The following MAPRE1 variants were observed in gnomAD, a reference collection of about 807,000 sequenced individuals.
The protein encoded by MAPRE1 is microtubule-associated protein RP/EB family member 1.
In MAPRE1, 5 loss-of-function variants were observed where a neutral mutation model predicts 32.1. The ratio of observed to expected loss-of-function variants is 0.16; its 90% CI spans 0.08 to 0.33. The LOEUF (loss-of-function observed/expected upper bound fraction) is 0.33. Ranked by LOEUF, MAPRE1 falls within the 10% of genes least tolerant of loss-of-function variation. The pLI is 1.00. For missense variants in MAPRE1, 209 were observed against 327.2 expected (o/e 0.64, Z 2.79); for synonymous variants, 122 against 118.9 (o/e 1.03, Z -0.17).
intron 6 of MAPRE1, among the ~76,000 whole-genome samples, chr20:32,848,013 T>A (rs921049730): frequency 2.6e-5 from 4 of 152,082 alleles, no homozygotes; most frequent in African/African-American, 9.7e-5. Flanking sequence ...AGTACTGAAC[T>A]TTACAGGGGA....
intron 5 of MAPRE1, among the ~76,000 whole-genome samples, chr20:32,842,413 C>T (rs1342672195): frequency 6.6e-6 from 1 of 152,308 alleles, no homozygotes. Flanking sequence ...GTGCTTATGT[C>T]ATGCACAGTG....
chr20:32,840,619 C>G (rs930330241), intron 5 of MAPRE1, among the ~76,000 whole-genome samples: 9 of 152,028 alleles, frequency 5.9e-5, no homozygotes, highest in African/African-American at 2.2e-4. Flanking sequence ...GTCACCACGC[C>G]TGGCTCCATT....
At chr20:32,838,358 A>G (rs1983258430) in intron 4 of MAPRE1, among the ~76,000 whole-genome samples, 6 of 152,152 alleles carry the variant, frequency 3.9e-5, no homozygotes, top group Admixed American at 3.9e-4. Flanking sequence ...ATTCCATTGC[A>G]TGCCTATACC....
chr20:32,842,282 T>A (rs1348733303), intron 5 of MAPRE1, among the ~76,000 whole-genome samples: 8 of 152,138 alleles, frequency 5.3e-5, no homozygotes, highest in Non-Finnish European at 1.0e-4. Context: ...AGACGAGGTT[T>A]CACCGTGTTA....
At chr20:32,824,042 T>C (rs1201521915) in intron 1 of MAPRE1, among the ~76,000 whole-genome samples, 1 of 152,236 alleles carries the variant, frequency 6.6e-6, no homozygotes, top group Admixed American at 6.5e-5. Flanking sequence ...TAAGCTCAAC[T>C]GTTCATCTCA....
At chr20:32,826,929 T>C (rs1020965914) in intron 2 of MAPRE1, among the ~76,000 whole-genome samples, 8 of 152,168 alleles carry the variant, frequency 5.3e-5, no homozygotes, top group African/African-American at 1.9e-4. Context: ...TGTCTATTAT[T>C]GTGCATCCAG....
Position 32,836,832 on chromosome 20 carries a change from A to G in MAPRE1, c.466A>G (p.Ser156Gly), listed in dbSNP as rs1384967822. 1.2e-6 allele frequency: 2 copies of G among 1,601,060 alleles called. No individual in the cohort carries two copies. Among genetic ancestry groups the G allele is most frequent in the African/African-American group, 1.4e-5 (1 of 73,810 alleles). Residue 156 changes from serine to glycine, a missense_variant, in exon 4 of 7, where the codon AGC (serine) becomes GGC (glycine). By Grantham distance (56) the Ser-to-Gly change is moderately conservative. Around this residue, in one of 3 missense-constraint regions of MAPRE1, gnomAD observed 106 missense variants for 115.3 expected, o/e 0.92. Coordinates refer to ENST00000375571, the MANE Select transcript of MAPRE1 (RefSeq NM_012325.3). ...LNKPKKPLTSSSAAPQRPIST... is the reference protein window; with the variant it reads ...LNKPKKPLTSGSAAPQRPIST... ...TAAACCGAAGAAACCTCTCACTTCT[A>G]GCAGTGCAGGTAAAAAAACAACCCC...
chr20:32,848,008 T>G lies in MAPRE1; in HGVS notation c.751-664T>G, dbSNP rs976486363. Among the ~76,000 whole-genome samples, 8 of 152,098 alleles carry G rather than the reference T, an allele frequency of 5.3e-5. No individual in the cohort carries two copies. In the South Asian group the frequency reaches 8.3e-4, roughly 16 times the overall value. Reference sequence around the variant, plus strand: ...TTATTGAGAGAAGATGTTAGAGTACTGAACTTTACAGGGGACTTCAGGAAT... The same window carrying G: ...TTATTGAGAGAAGATGTTAGAGTACGGAACTTTACAGGGGACTTCAGGAAT... On this transcript the variant is annotated intron_variant, in intron 6 of 6. Transcript: ENST00000375571.
chr20:32,841,131 TTC>T (rs1296095417), intron 5 of MAPRE1, among the ~76,000 whole-genome samples: 5 of 152,194 alleles, frequency 3.3e-5, no homozygotes, highest in African/African-American at 4.8e-5. Context: ...CACTTTTTCG[TTC>T]TTTCATTTGT....
intron 5 of MAPRE1, 125 bp downstream of exon 5, chr20:32,839,981 G>A (rs1487139241): frequency 4.5e-6 from 6 of 1,344,504 alleles, no homozygotes; most frequent in South Asian, 1.3e-5. Flanking sequence ...CATGTGACAC[G>A]TGTGAGCCTC....
intron 3 of MAPRE1, among the ~76,000 whole-genome samples, chr20:32,836,189 G>A (rs1983196161): frequency 6.6e-6 from 1 of 152,098 alleles, no homozygotes; most frequent in African/African-American, 2.4e-5. Flanking sequence ...TCAAACTCTT[G>A]CCCGCCTTGG....
intron 2 of MAPRE1, 88 bp downstream of exon 2, chr20:32,826,136 C>T: frequency 7.6e-7 from 1 of 1,313,230 alleles, no homozygotes. Flanking sequence ...CAAAGCCACA[C>T]ACAGAGGTTC....
intron 3 of MAPRE1, among the ~76,000 whole-genome samples, chr20:32,835,362 G>GTTTTTTTTTT (rs1198541946): frequency 1.1e-4 from 7 of 61,024 alleles, no homozygotes; most frequent in Non-Finnish European, 1.8e-4. Context: ...GTTTTTATTG[G>GTTTTTTTTTT]TGTTTTTTTT....
chr20:32,825,239 G>A (rs561412991), intron 1 of MAPRE1, among the ~76,000 whole-genome samples: 1 of 151,802 alleles, frequency 6.6e-6, no homozygotes, highest in East Asian at 1.9e-4. Flanking sequence ...GGGTAACTTT[G>A]GGCTGATGTT....
At chr20:32,822,330 C>G (rs1285985763) in intron 1 of MAPRE1, among the ~76,000 whole-genome samples, 2 of 152,222 alleles carry the variant, frequency 1.3e-5, no homozygotes, top group South Asian at 4.1e-4. Flanking sequence ...CCTGATTTTG[C>G]GCACAGTATT....
chr20:32,828,190 T>C (rs552462927), intron 2 of MAPRE1, among the ~76,000 whole-genome samples: 1 of 152,196 alleles, frequency 6.6e-6, no homozygotes, highest in African/African-American at 2.4e-5. Flanking sequence ...CTGTGCTGTG[T>C]CCCCCCCACC....
At chr20:32,846,572 G>C in intron 5 of MAPRE1, 46 bp from the exon 6 acceptor site, 1 of 1,588,758 alleles carries the variant, frequency 6.3e-7, no homozygotes, top group Non-Finnish European at 8.6e-7. Context: ...ATATTTTATT[G>C]CCATACTAAT....
At chr20:32,827,893 TC>T (rs1982908148) in intron 2 of MAPRE1, among the ~76,000 whole-genome samples, 1 of 114,988 alleles carries the variant, frequency 8.7e-6, no homozygotes, top group Admixed American at 9.3e-5. Flanking sequence ...AGGCTCTGTC[TC>T]AAAAAAAAAA....
chr20:32,839,965 C>A, intron 5 of MAPRE1, 109 bp downstream of exon 5: 2 of 1,470,150 alleles, frequency 1.4e-6, no homozygotes, highest in Non-Finnish European at 1.9e-6. Flanking sequence ...TGTTTGCTTG[C>A]CAGAGCATGT....
Sources: allele counts gnomAD v4.1 joint callset (sites outside exome capture counted in the v4.1 genomes callset), GRCh38; gene constraint gnomAD v4.1.1; regional missense constraint gnomAD v4.1.1; transcripts MANE v1.5; gene names NCBI Gene and HGNC (gene_info 2026-07-23, HGNC 2026-07-21).